Variants in ICOS observed in about 807,000 individuals in gnomAD.
The protein encoded by ICOS is inducible T cell costimulator.
In ICOS, 15 loss-of-function variants were observed where a neutral mutation model predicts 24.6. That is an observed-to-expected ratio of 0.61 (90% confidence interval 0.41 to 0.94). ICOS has a LOEUF of 0.94. ICOS is among the 40% of genes least tolerant of loss of function. ICOS has a pLI of 0.00. For synonymous variants in ICOS, 89 were observed against 77.5 expected, an observed-to-expected ratio of 1.15 and a Z score of -0.78; for missense variants, 200 against 233.0, an observed-to-expected ratio of 0.86 and a Z score of 0.92.
At chr2:203,946,131 A>G (rs539592614) in intron 1 of ICOS, among the ~76,000 whole-genome samples, 154 of 152,346 alleles carry the variant, frequency 1.0e-3, no homozygotes, top group Non-Finnish European at 1.4e-3. Flanking sequence ...ATCAAAGGCA[A>G]TGAAGTAACT....
At position 203,959,877 on chromosome 2, in the gene ICOS, T is replaced by C. The variant is rs749628535; in HGVS notation, c.*278T>C. 3 of 549,754 alleles carry C rather than the reference T, an allele frequency of 5.5e-6. No homozygotes were observed. The highest frequency in any genetic ancestry group is 9.8e-6 in the Non-Finnish European group (3 of 304,592). The allele number at this position is 549,754 out of a possible 1,614,324, so 34.1% of individuals were successfully genotyped here. On this transcript the variant is annotated 3_prime_UTR_variant, in exon 5 of 5. Coordinates refer to ENST00000316386, the MANE Select transcript of ICOS (RefSeq NM_012092.4). ...GCTCACTGGGAGTGGAATCCCTGTC[T>C]CCACATCTGCTCCTAGCAGTGCATC... is the stretch of plus-strand genomic sequence containing the variant.
chr2:203,955,083 C>T (rs1002718541), intron 1 of ICOS, among the ~76,000 whole-genome samples: 2 of 151,906 alleles, frequency 1.3e-5, no homozygotes, highest in South Asian at 4.1e-4. Context: ...CCAAGATATA[C>T]CTACTAATAA....
chr2:203,936,968 GT>G, intron 1 of ICOS, 96 bp downstream of exon 1: 1 of 939,720 alleles, frequency 1.1e-6, no homozygotes, highest in Non-Finnish European at 1.7e-6. Flanking sequence ...AAAGACAGTG[GT>G]TTTGGTTTTT....
intron 1 of ICOS, among the ~76,000 whole-genome samples, chr2:203,947,999 G>A (rs910424905): frequency 6.6e-6 from 1 of 152,112 alleles, no homozygotes. Context: ...TAATGGCTGC[G>A]CTTTGGGACA....
chr2:203,954,137 GA>G (rs1317910320), intron 1 of ICOS, among the ~76,000 whole-genome samples: 1 of 152,078 alleles, frequency 6.6e-6, no homozygotes, highest in Non-Finnish European at 1.5e-5. Context: ...AAAACAAAAA[GA>G]AAGAGAAGGC....
intron 1 of ICOS, among the ~76,000 whole-genome samples, chr2:203,953,567 T>C (rs1416439708): frequency 2.0e-5 from 3 of 152,164 alleles, no homozygotes; most frequent in African/African-American, 7.2e-5. Context: ...AGTAATTGTG[T>C]ATCTTAAATA....
chr2:203,957,714 C>CA, intron 3 of ICOS, 85 bp from the exon 4 acceptor site: 1 of 1,036,524 alleles, frequency 9.6e-7, no homozygotes, highest in Non-Finnish European at 1.5e-6. Context: ...TCACATACCA[C>CA]TTCAACAAAG....
chr2:203,945,495 T>G (rs374778470), intron 1 of ICOS, among the ~76,000 whole-genome samples: 18 of 152,136 alleles, frequency 1.2e-4, no homozygotes, highest in African/African-American at 4.1e-4. Context: ...GTGTCCTTAG[T>G]GATTTTGTTG....
In ICOS at chr2:203,956,700, G is replaced by A; in HGVS notation, c.436G>A (p.Gly146Arg). The part of the protein sequence containing the change: ...CCQLKFWLPI[G>R]CAAFVVVCIL... ...CCAGCTGAAGTTCTGGTTACCCATA[G>A]GATGTGCAGCCTTTGTTGTAGTCTG... is the stretch of plus-strand genomic sequence containing the variant. The change falls in exon 3 of 5, where the codon GGA becomes AGA. Residue 146 changes from glycine (G) to arginine (R), a missense_variant. By Grantham distance (125) the Gly-to-Arg change is moderately radical. Transcript: ENST00000316386. 1 of 1,613,520 alleles carries A rather than the reference G, an allele frequency of 6.2e-7. No homozygotes were observed. Among genetic ancestry groups the A allele is most frequent in the Non-Finnish European group, 8.5e-7 (1 of 1,179,554 alleles).
chr2:203,938,217 G>A (rs1158255412), intron 1 of ICOS, among the ~76,000 whole-genome samples: 3 of 152,204 alleles, frequency 2.0e-5, no homozygotes, highest in Non-Finnish European at 4.4e-5. Context: ...GGTGGGTGTG[G>A]AGGTGTAGCT....
chr2:203,957,837 C>G lies in ICOS; in HGVS notation c.540C>G (p.Tyr180Ter). The G allele has an allele frequency of 6.2e-7, 1 of 1,613,408 alleles. No individual in the cohort carries two copies. Among genetic ancestry groups the G allele is most frequent in the Non-Finnish European group, 8.5e-7 (1 of 1,179,466 alleles). The change falls in exon 4 of 5, where the codon TAC becomes TAG. Residue 180 changes from tyrosine to a stop codon, truncating the protein, a stop_gained. Transcript: ENST00000316386. LOFTEE classifies it high-confidence loss of function. ...SSSVHDPNGE[Y>*]MFMRAVNTAK... ...GTGTGCACGACCCTAACGGTGAATA[C>G]ATGTTCATGAGAGCAGTGAACACAG... is the stretch of plus-strand genomic sequence containing the variant.
chr2:203,947,713 C>A (rs1689898575), intron 1 of ICOS, among the ~76,000 whole-genome samples: 1 of 152,132 alleles, frequency 6.6e-6, no homozygotes, highest in African/African-American at 2.4e-5. Flanking sequence ...AGTACCTGTT[C>A]TCCAGACTGA....
chr2:203,950,067 A>G (rs1689942724), intron 1 of ICOS, among the ~76,000 whole-genome samples: 1 of 152,258 alleles, frequency 6.6e-6, no homozygotes, highest in Non-Finnish European at 1.5e-5. Flanking sequence ...AAGAATTTGT[A>G]ATTTGTCATT....
chr2:203,957,905 TGGGAA>T, intron 4 of ICOS, 22 bp downstream of exon 4: 3 of 1,481,196 alleles, frequency 2.0e-6, no homozygotes, highest in Non-Finnish European at 2.8e-6. Context: ...TTTGGGGGTT[TGGGAA>T]GGGAAGAGGT....
At chr2:203,944,313 G>A (rs1293862764) in intron 1 of ICOS, among the ~76,000 whole-genome samples, 1 of 152,156 alleles carries the variant, frequency 6.6e-6, no homozygotes, top group East Asian at 1.9e-4. Flanking sequence ...AGCTCCCAGA[G>A]CCTTTCTGCA....
intron 1 of ICOS, among the ~76,000 whole-genome samples, chr2:203,947,720 C>T (rs928930651): frequency 1.3e-5 from 2 of 152,118 alleles, no homozygotes; most frequent in African/African-American, 4.8e-5. Context: ...GTTCTCCAGA[C>T]TGATTATAAT....
chr2:203,940,048 T>C (rs763705532), intron 1 of ICOS, among the ~76,000 whole-genome samples: 1 of 152,224 alleles, frequency 6.6e-6, no homozygotes, highest in Non-Finnish European at 1.5e-5. Flanking sequence ...TCCGGTTAAT[T>C]TGGAAGGTCG....
intron 1 of ICOS, among the ~76,000 whole-genome samples, chr2:203,938,107 TAGAG>T (rs1002538963): frequency 6.6e-6 from 1 of 152,146 alleles, no homozygotes; most frequent in Admixed American, 6.5e-5. Context: ...AACTGCATGG[TAGAG>T]AGAGATATAT....
At chr2:203,957,905 T>G in intron 4 of ICOS, 22 bp downstream of exon 4, 1 of 1,481,196 alleles carries the variant, frequency 6.8e-7, no homozygotes, top group Non-Finnish European at 9.4e-7. Context: ...TTTGGGGGTT[T>G]GGGAAGGGAA....
Sources: gnomAD v4.1 joint callset for allele counts (sites outside exome capture counted in the v4.1 genomes callset) on GRCh38, gnomAD v4.1.1 for gene constraint, MANE v1.5 for transcripts, NCBI Gene and HGNC (gene_info 2026-07-23, HGNC 2026-07-21) for gene names.